The following STIM2 variants were observed in gnomAD, a reference collection of about 807,000 sequenced individuals.
STIM2 encodes stromal interaction molecule 2.
STIM2 carries 31 observed loss-of-function variants against 85.8 expected under a neutral mutation model. The observed-to-expected ratio is 0.36, with a 90% CI of 0.27 to 0.49. The LOEUF is 0.49. Ranked by LOEUF, STIM2 falls within the 20% of genes least tolerant of loss-of-function variation. STIM2 has a pLI of 0.98. For synonymous variants in STIM2, 356 were observed against 331.1 expected (o/e 1.08, Z -0.82); for missense variants, 841 against 927.6 (o/e 0.91, Z 1.21).
chr4:26,972,634 C>T (rs569819027), intron 3 of STIM2, among the ~76,000 whole-genome samples: 5 of 152,222 alleles, frequency 3.3e-5, no homozygotes, highest in East Asian at 1.9e-4. Context: ...CTGCTGGATT[C>T]GGTTTGCCAG....
chr4:26,920,249 A>G (rs1050454754), intron 2 of STIM2, among the ~76,000 whole-genome samples: 2 of 152,040 alleles, frequency 1.3e-5, no homozygotes, highest in African/African-American at 4.8e-5. Context: ...AGTGGTTGCT[A>G]ATTTATTGGC....
chr4:26,893,686 C>T (rs1292909491), intron 1 of STIM2, among the ~76,000 whole-genome samples: 1 of 152,176 alleles, frequency 6.6e-6, no homozygotes, highest in Non-Finnish European at 1.5e-5. Context: ...GTGATATCAG[C>T]TTTCCTTAGT....
chr4:26,894,563 A>T, intron 1 of STIM2, among the ~76,000 whole-genome samples: 2 of 149,464 alleles, frequency 1.3e-5, no homozygotes. Context: ...ACAAGTTTGA[A>T]TTTTCCCCAC....
intron 3 of STIM2, among the ~76,000 whole-genome samples, chr4:26,995,135 A>G (rs551676053): frequency 1.3e-5 from 2 of 152,216 alleles, no homozygotes; most frequent in Non-Finnish European, 2.9e-5. Context: ...ATTCTTACAA[A>G]CTTGTATAGG....
chr4:26,987,716 T>C (rs1727631578), intron 3 of STIM2, among the ~76,000 whole-genome samples: 1 of 152,220 alleles, frequency 6.6e-6, no homozygotes, highest in Non-Finnish European at 1.5e-5. Flanking sequence ...TGTTACTCCC[T>C]CCAGGCCTTT....
At chr4:26,958,550 C>T (rs1726332498) in intron 3 of STIM2, among the ~76,000 whole-genome samples, 1 of 151,854 alleles carries the variant, frequency 6.6e-6, no homozygotes, top group African/African-American at 2.4e-5. Flanking sequence ...TAAAACTGTC[C>T]CACCAATGCT....
intron 2 of STIM2, among the ~76,000 whole-genome samples, chr4:26,950,378 C>T (rs1347078717): frequency 6.6e-6 from 1 of 152,170 alleles, no homozygotes; most frequent in Non-Finnish European, 1.5e-5. Flanking sequence ...TTTTGATTCT[C>T]TCTTGAACCA....
At chr4:26,980,549 A>G (rs970437774) in intron 3 of STIM2, among the ~76,000 whole-genome samples, 5 of 152,154 alleles carry the variant, frequency 3.3e-5, no homozygotes, top group Admixed American at 6.5e-5. Flanking sequence ...AAGAATTACC[A>G]AGGAATATAA....
chr4:27,004,397 G>A (rs764427039), intron 7 of STIM2, among the ~76,000 whole-genome samples: 1 of 152,108 alleles, frequency 6.6e-6, no homozygotes, highest in African/African-American at 2.4e-5. Flanking sequence ...TACGGTATCC[G>A]AGAAGTGGGT....
At chr4:26,973,923 T>C (rs34913457) in intron 3 of STIM2, among the ~76,000 whole-genome samples, 15,450 of 152,272 alleles carry the variant, frequency 0.1, 976 homozygotes, top group East Asian at 0.34. Context: ...TGGTTGCTCC[T>C]GTATTGGGTG....
At chr4:26,980,464 GAA>G (rs886329745) in intron 3 of STIM2, among the ~76,000 whole-genome samples, 1 of 140,888 alleles carries the variant, frequency 7.1e-6, no homozygotes, top group Non-Finnish European at 1.6e-5. Flanking sequence ...TAGGAGCCTG[GAA>G]AAAAAAAAAA....
At position 26,977,368 on chromosome 4, in the gene STIM2, T is replaced by C. The variant is rs570704097; in HGVS notation, c.398-18011T>C. ...AATTTGAGATTTACTATATGGATAA[T>C]GTAAGTATATTGCAAGTATAACTCC... On this transcript the variant is annotated intron_variant, in intron 3 of 11. Transcript: ENST00000467087. Among the ~76,000 whole-genome samples the C allele has an allele frequency of 5.9e-5, 9 of 152,308 alleles. No homozygotes were observed. In the East Asian group the frequency reaches 1.4e-3, roughly 23 times the overall value.
intron 3 of STIM2, among the ~76,000 whole-genome samples, chr4:26,990,192 C>G (rs896922698): frequency 6.6e-6 from 1 of 152,102 alleles, no homozygotes; most frequent in African/African-American, 2.4e-5. Flanking sequence ...ATCACACTAC[C>G]TGAATTCAAA....
intron 1 of STIM2, among the ~76,000 whole-genome samples, chr4:26,863,321 A>ATTGAT (rs1242795987): frequency 7.9e-5 from 12 of 152,146 alleles, no homozygotes; most frequent in African/African-American, 2.4e-4. Flanking sequence ...TTGTCAGAAT[A>ATTGAT]TTGATTTTTA....
At chr4:26,959,416 C>T (rs1726368958) in intron 3 of STIM2, among the ~76,000 whole-genome samples, 1 of 152,080 alleles carries the variant, frequency 6.6e-6, no homozygotes, top group African/African-American at 2.4e-5. Context: ...GCTAACCTCC[C>T]CTTTTACTCA....
At chr4:26,947,137 G>A (rs988760392) in intron 2 of STIM2, among the ~76,000 whole-genome samples, 1 of 152,122 alleles carries the variant, frequency 6.6e-6, no homozygotes, top group African/African-American at 2.4e-5. Flanking sequence ...GGTTGGACAT[G>A]GCTGCAGTAG....
intron 1 of STIM2, among the ~76,000 whole-genome samples, chr4:26,916,028 A>G (rs1724566097): frequency 6.6e-6 from 1 of 152,248 alleles, no homozygotes; most frequent in Non-Finnish European, 1.5e-5. Flanking sequence ...CAATATTGGT[A>G]GCAGTTGCCT....
chr4:26,997,058 A>G (rs1049470869), intron 4 of STIM2, among the ~76,000 whole-genome samples: 3 of 152,162 alleles, frequency 2.0e-5, no homozygotes, highest in African/African-American at 7.2e-5. Context: ...AGGTCAGCCC[A>G]TTGGAACCTT....
intron 5 of STIM2, among the ~76,000 whole-genome samples, chr4:27,001,614 A>G (rs1728159431): frequency 6.6e-6 from 1 of 152,088 alleles, no homozygotes; most frequent in Non-Finnish European, 1.5e-5. Flanking sequence ...AATACTTCTG[A>G]TGTCTGCCCA....
Sources: allele counts gnomAD v4.1 joint callset (sites outside exome capture counted in the v4.1 genomes callset), GRCh38; gene constraint gnomAD v4.1.1; transcripts MANE v1.5; gene names NCBI Gene and HGNC (gene_info 2026-07-23, HGNC 2026-07-21).